LOC128462377: variants seen among roughly 807,000 people sequenced by gnomAD.
chr16:89,323,913 A>C, the LOC128462377 span: 1 of 215,634 alleles, frequency 4.6e-6, no homozygotes, highest in African/African-American at 2.4e-5. Context: ...GGCACCACAC[A>C]TCGCGAGGTA....
chr16:89,329,218 C>T, the LOC128462377 span, among the ~76,000 whole-genome samples: 8 of 152,152 alleles, frequency 5.3e-5, no homozygotes, highest in African/African-American at 1.9e-4. Context: ...CGGTGGCTGT[C>T]GAGGAGGCTC....
chr16:89,404,956 G>C, the LOC128462377 span, among the ~76,000 whole-genome samples: 1 of 152,184 alleles, frequency 6.6e-6, no homozygotes, highest in Non-Finnish European at 1.5e-5. Flanking sequence ...CACCATAAAT[G>C]TAGTTTGTTG....
chr16:89,388,292 G>GGTTTTTTT, the LOC128462377 span, among the ~76,000 whole-genome samples: 1 of 61,052 alleles, frequency 1.6e-5, no homozygotes, highest in Non-Finnish European at 3.9e-5. Context: ...CCATGAGGCT[G>GGTTTTTTT]ATTTTTTTTT....
At chr16:89,340,680 A>G in the LOC128462377 span, among the ~76,000 whole-genome samples, 1 of 152,244 alleles carries the variant, frequency 6.6e-6, no homozygotes, top group African/African-American at 2.4e-5. Context: ...AAGAGACAAT[A>G]TAATTAACAA....
At chr16:89,367,618 C>T in the LOC128462377 span, among the ~76,000 whole-genome samples, 1 of 152,162 alleles carries the variant, frequency 6.6e-6, no homozygotes, top group Non-Finnish European at 1.5e-5. Flanking sequence ...GCTTGGGGGC[C>T]TCTATAAATC....
At chr16:89,405,227 G>A in the LOC128462377 span, among the ~76,000 whole-genome samples, 2 of 152,156 alleles carry the variant, frequency 1.3e-5, no homozygotes, top group African/African-American at 4.8e-5. Context: ...CTTGTGGAAG[G>A]AGGTACCACA....
chr16:89,345,918 T>C, the LOC128462377 span, among the ~76,000 whole-genome samples: 1 of 152,134 alleles, frequency 6.6e-6, no homozygotes, highest in African/African-American at 2.4e-5. Flanking sequence ...CCGACATTTA[T>C]GCAAATAAAA....
the LOC128462377 span, chr16:89,324,476 A>C: frequency 2.2e-6 from 1 of 456,748 alleles, no homozygotes; most frequent in East Asian, 6.9e-5. Context: ...GACTGGACTA[A>C]AGGATGTGTA....
At chr16:89,366,129 C>CAAAAAAA in the LOC128462377 span, among the ~76,000 whole-genome samples, 98 of 60,438 alleles carry the variant, frequency 1.6e-3, 3 homozygotes, top group Middle Eastern at 9.1e-3. Flanking sequence ...GACTCCATCT[C>CAAAAAAA]AAAAAAAAAA....
the LOC128462377 span, among the ~76,000 whole-genome samples, chr16:89,320,542 T>C: frequency 1.2e-4 from 18 of 152,028 alleles, no homozygotes; most frequent in Non-Finnish European, 1.6e-4. Flanking sequence ...AGGCCACGCA[T>C]TCCTTGTTAC....
the LOC128462377 span, among the ~76,000 whole-genome samples, chr16:89,407,216 A>T: frequency 2.7e-3 from 412 of 152,234 alleles, 8 homozygotes; most frequent in African/African-American, 9.0e-3. Flanking sequence ...ACACGCAGAC[A>T]GAAAAGAATG....
the LOC128462377 span, among the ~76,000 whole-genome samples, chr16:89,349,751 G>A: frequency 2.6e-5 from 4 of 151,908 alleles, no homozygotes; most frequent in African/African-American, 9.7e-5. Flanking sequence ...GACACAAAAA[G>A]CACAAAGTAC....
At chr16:89,396,270 G>A in the LOC128462377 span, among the ~76,000 whole-genome samples, 3,176 of 152,286 alleles carry the variant, frequency 0.021, 74 homozygotes, top group East Asian at 0.11. Context: ...AGATGCACAC[G>A]AGTCCCGGGC....
chr16:89,327,081 T>TGGATATGCAGAGGTG, the LOC128462377 span, among the ~76,000 whole-genome samples: 1 of 142,192 alleles, frequency 7.0e-6, no homozygotes, highest in Non-Finnish European at 1.5e-5. Context: ...ATGCAGAGGT[T>TGGATATGCAGAGGTG]GGAAATGCAG....
chr16:89,321,138 C>T, the LOC128462377 span: 6 of 152,564 alleles, frequency 3.9e-5, no homozygotes, highest in Admixed American at 2.6e-4. Context: ...GCTGCGATTC[C>T]CTCTGCTCCA....
the LOC128462377 span, among the ~76,000 whole-genome samples, chr16:89,415,836 A>AAAAAAAAAAAC: frequency 5.7e-5 from 8 of 141,098 alleles, no homozygotes; most frequent in African/African-American, 2.1e-4. Context: ...TCTCAAAAAA[A>AAAAAAAAAAAC]AAAAAAAAAA....
the LOC128462377 span, among the ~76,000 whole-genome samples, chr16:89,337,007 CAAAAA>C: frequency 6.3e-5 from 3 of 47,728 alleles, no homozygotes; most frequent in Admixed American, 6.3e-4. Context: ...CTGGCTCTAC[CAAAAA>C]AAAAAAAAAA....
At chr16:89,408,866 A>AT in the LOC128462377 span, among the ~76,000 whole-genome samples, 2 of 152,258 alleles carry the variant, frequency 1.3e-5, no homozygotes, top group African/African-American at 4.8e-5. Context: ...AAAAGAGAAC[A>AT]TAAGTGAAGA....
At chr16:89,386,106 G>C in the LOC128462377 span, among the ~76,000 whole-genome samples, 1 of 152,172 alleles carries the variant, frequency 6.6e-6, no homozygotes, top group East Asian at 1.9e-4. Context: ...CTATTCCTCA[G>C]ATTTTCGTTT....
Sources: allele counts gnomAD v4.1 joint callset (sites outside exome capture counted in the v4.1 genomes callset), GRCh38; gene constraint gnomAD v4.1.1; transcripts MANE v1.5.